The following EPB41L5 variants were observed in gnomAD, a reference collection of about 807,000 sequenced individuals.
The protein encoded by EPB41L5 is band 4.1-like protein 5.
Under a neutral mutation model 106.6 loss-of-function variants are expected in EPB41L5, and 55 were observed. The ratio of observed to expected loss-of-function variants is 0.52; its 90% CI spans 0.42 to 0.65. EPB41L5 has a LOEUF of 0.65. Ranked by LOEUF, EPB41L5 falls within the 30% of genes least tolerant of loss-of-function variation. EPB41L5 has a pLI of 0.00. For synonymous variants in EPB41L5, 297 were observed against 306.7 expected (o/e 0.97, Z 0.33); for missense variants, 871 against 882.1 (o/e 0.99, Z 0.16).
rs762139829 is a variant in EPB41L5, at chr2:120,090,342, T to C, written c.874-5T>C. 6.3e-7 allele frequency: 1 copy of C among 1,590,102 alleles called. No homozygotes were observed. The stretch of plus-strand genomic sequence containing the variant: ...CATCCTTTTATATATACTTTTCTTT[T>C]TCAGGGCAAAGAACAGGAACATACA... On this transcript the variant is annotated splice_region_variant and splice_polypyrimidine_tract_variant and intron_variant, in intron 11 of 24. Coordinates refer to ENST00000263713, the MANE Select transcript of EPB41L5 (RefSeq NM_020909.4).
At chr2:120,172,326 G>A (rs988588716) in intron 24 of EPB41L5, among the ~76,000 whole-genome samples, 3 of 152,268 alleles carry the variant, frequency 2.0e-5, no homozygotes, top group Admixed American at 2.0e-4. Flanking sequence ...AATGAAAATA[G>A]ACTACACCAA....
intron 14 of EPB41L5, among the ~76,000 whole-genome samples, chr2:120,098,193 G>GTGTGT (rs1683893452): frequency 1.3e-4 from 1 of 7,998 alleles, no homozygotes; most frequent in African/African-American, 3.4e-4. Flanking sequence ...TGTGTGTTTT[G>GTGTGT]GTGGGGTGGG....
chr2:120,018,139 A>C (rs1166387180), intron 1 of EPB41L5, among the ~76,000 whole-genome samples: 1 of 148,834 alleles, frequency 6.7e-6, no homozygotes, highest in Non-Finnish European at 1.5e-5. Context: ...TTTTTTTTGT[A>C]TTTTTTTTTA....
intron 3 of EPB41L5, among the ~76,000 whole-genome samples, chr2:120,068,635 A>ATT (rs1681627742): frequency 6.6e-6 from 1 of 152,208 alleles, no homozygotes; most frequent in African/African-American, 2.4e-5. Flanking sequence ...ACAGGATCAA[A>ATT]TTCACACATA....
chr2:120,146,144 T>C, intron 19 of EPB41L5, 81 bp from the exon 20 acceptor site: 1 of 844,202 alleles, frequency 1.2e-6, no homozygotes, highest in Non-Finnish European at 1.9e-6. Flanking sequence ...ATTTCTGTTG[T>C]TACCAGAAAG....
intron 13 of EPB41L5, among the ~76,000 whole-genome samples, chr2:120,092,852 G>A (rs1378494201): frequency 6.6e-6 from 1 of 152,206 alleles, no homozygotes; most frequent in African/African-American, 2.4e-5. Context: ...AGATATATAT[G>A]CATTGTATTG....
At chr2:120,165,042 C>G (rs567296901) in intron 22 of EPB41L5, 132 bp downstream of exon 22, 1 of 650,982 alleles carries the variant, frequency 1.5e-6, no homozygotes. Context: ...GTTTTAATAA[C>G]CACTTAGCAT....
intron 14 of EPB41L5, among the ~76,000 whole-genome samples, chr2:120,098,684 A>C (rs975884901): frequency 6.6e-6 from 1 of 152,234 alleles, no homozygotes; most frequent in Non-Finnish European, 1.5e-5. Flanking sequence ...GTGATAGTGC[A>C]AGTTATAGTG....
At chr2:120,111,949 G>A (rs1315798982) in intron 16 of EPB41L5, among the ~76,000 whole-genome samples, 1 of 151,954 alleles carries the variant, frequency 6.6e-6, no homozygotes, top group Admixed American at 6.6e-5. Flanking sequence ...GTTCTCTCAG[G>A]ATCTTTGTAC....
At chr2:120,046,784 T>G (rs1028706098) in intron 3 of EPB41L5, among the ~76,000 whole-genome samples, 1 of 152,346 alleles carries the variant, frequency 6.6e-6, no homozygotes, top group South Asian at 2.1e-4. Context: ...AGGGTTTTTA[T>G]GGTTTTTAGG....
At chr2:120,024,253 G>A (rs1574473343) in intron 2 of EPB41L5, among the ~76,000 whole-genome samples, 3 of 152,250 alleles carry the variant, frequency 2.0e-5, no homozygotes, top group South Asian at 2.1e-4. Flanking sequence ...CTTGTCTTGT[G>A]CCAGTTTTCA....
In EPB41L5 at chr2:120,106,410, A is replaced by G. The variant is rs185840223; in HGVS notation, c.1337+5596A>G. 99 of 985,248 alleles carry G rather than the reference A, an allele frequency of 1.0e-4. 1 individual carries two copies. Among genetic ancestry groups the G allele is most frequent in the Non-Finnish European group, 3.6e-6 (3 of 829,796 alleles). The allele number at this position is 985,248 out of a possible 1,614,324, so 61.0% of individuals were successfully genotyped here. On this transcript the variant is annotated intron_variant, in intron 16 of 24. Coordinates refer to ENST00000263713, the MANE Select transcript of EPB41L5 (RefSeq NM_020909.4). ...AGATGGATATATATGTTGTTTCCAG[A>G]GCTCTCAGGTATTTATAAGTAGCTC...
intron 2 of EPB41L5, among the ~76,000 whole-genome samples, chr2:120,024,362 C>CG (rs1678161270): frequency 6.6e-6 from 1 of 152,122 alleles, no homozygotes; most frequent in Non-Finnish European, 1.5e-5. Context: ...CCATCAATAC[C>CG]TAGTTTATTG....
intron 16 of EPB41L5, among the ~76,000 whole-genome samples, chr2:120,101,157 G>A (rs1684120293): frequency 6.6e-6 from 1 of 152,168 alleles, no homozygotes; most frequent in Non-Finnish European, 1.5e-5. Flanking sequence ...ATTTTCCCAG[G>A]TCCGTAAGGA....
chr2:120,127,599 G>A, intron 16 of EPB41L5, 89 bp from the exon 17 acceptor site: 1 of 1,011,400 alleles, frequency 9.9e-7, no homozygotes, highest in Admixed American at 2.6e-5. Context: ...CACAGATGTG[G>A]TGGAAATTGC....
intron 3 of EPB41L5, among the ~76,000 whole-genome samples, chr2:120,054,962 G>T (rs1680545801): frequency 6.6e-6 from 1 of 150,872 alleles, no homozygotes. Context: ...TGCCTCCCGG[G>T]TCCAAGTGAT....
chr2:120,056,908 C>T (rs768120821), intron 3 of EPB41L5, among the ~76,000 whole-genome samples: 2 of 151,942 alleles, frequency 1.3e-5, no homozygotes, highest in Non-Finnish European at 2.9e-5. Context: ...TCTTTTCTTT[C>T]CATTTTGAGA....
chr2:120,028,750 C>A (rs920044701), intron 2 of EPB41L5, among the ~76,000 whole-genome samples: 1 of 151,794 alleles, frequency 6.6e-6, no homozygotes, highest in Non-Finnish European at 1.5e-5. Flanking sequence ...TTGGATATAG[C>A]GTGGGGAGGG....
chr2:120,107,028 G>C, intron 16 of EPB41L5: 1 of 628,816 alleles, frequency 1.6e-6, no homozygotes, highest in South Asian at 7.2e-5. Flanking sequence ...TTTATTTAAA[G>C]TGTTGGCCAA....
Sources: gnomAD v4.1 joint callset for allele counts (sites outside exome capture counted in the v4.1 genomes callset) on GRCh38, gnomAD v4.1.1 for gene constraint, MANE v1.5 for transcripts, NCBI Gene and HGNC (gene_info 2026-07-23, HGNC 2026-07-21) for gene names.